PASD1: variants seen among roughly 807,000 people sequenced by gnomAD.
The protein encoded by PASD1 is circadian clock protein PASD1.
Under a neutral mutation model 58.8 loss-of-function variants are expected in PASD1, and 13 were observed. The ratio of observed to expected loss-of-function variants is 0.22; its 90% CI spans 0.14 to 0.35. The LOEUF is 0.35. Among genes scored for constraint, PASD1 ranks in the 10% least tolerant of loss-of-function variants. The pLI is 1.00. For synonymous variants in PASD1, 236 were observed against 216.7 expected (o/e 1.09, Z -0.78); for missense variants, 734 against 568.3 (o/e 1.29, Z -2.96).
intron 1 of PASD1, among the ~76,000 whole-genome samples, chrX:151,593,585 T>TA (rs2013279190): frequency 9.0e-6 from 1 of 111,472 alleles, no homozygotes; most frequent in Non-Finnish European, 1.9e-5. Context: ...CATCCTTTTT[T>TA]ATGGCTGCAT....
At chrX:151,622,615 A>ACACACACACACT (rs1231599924) in intron 6 of PASD1, among the ~76,000 whole-genome samples, 1 of 109,740 alleles carries the variant, frequency 9.1e-6, no homozygotes. Flanking sequence ...ACACACACAC[A>ACACACACACACT]CACTCCCACA....
At chrX:151,584,275 G>T (rs2013137325) in intron 1 of PASD1, among the ~76,000 whole-genome samples, 1 of 111,675 alleles carries the variant, frequency 9.0e-6, no homozygotes, top group African/African-American at 3.3e-5. Context: ...TTCCTATACA[G>T]ATTGATTTCT....
intron 8 of PASD1, among the ~76,000 whole-genome samples, chrX:151,634,502 T>C (rs2013906021): frequency 9.0e-6 from 1 of 111,423 alleles, no homozygotes; most frequent in Admixed American, 9.6e-5. Context: ...AGCTTTTTTT[T>C]TGGTATAGGA....
chrX:151,662,803 A>G (rs1020582768), intron 10 of PASD1, among the ~76,000 whole-genome samples: 2 of 112,331 alleles, frequency 1.8e-5, no homozygotes, highest in Non-Finnish European at 3.8e-5. Context: ...AAACATTCAT[A>G]AAAAGTAGTT....
chrX:151,605,303 T>C (rs772167991), intron 3 of PASD1, among the ~76,000 whole-genome samples: 2 of 111,949 alleles, frequency 1.8e-5, no homozygotes, highest in East Asian at 2.8e-4. Flanking sequence ...GTAAAAATTA[T>C]CTTTATCTCA....
At position 151,563,684 on chromosome X, in the gene PASD1, G is replaced by A. The variant is rs759154106; in HGVS notation, c.-183G>A. 6 of 111,656 alleles carry A rather than the reference G, an allele frequency of 5.4e-5. No individual in the cohort carries two copies. The highest frequency in any genetic ancestry group is 1.1e-4 in the Non-Finnish European group (6 of 53,094). The allele number at this position is 111,656 out of a possible 1,213,427, so 9.2% of individuals were successfully genotyped here. ...CCCCACCACGCGCTTTGCACTCTGGGGCCCACGCACTTCCCTGAAGAGTCT... is the reference window on the plus strand; with the variant it reads ...CCCCACCACGCGCTTTGCACTCTGGAGCCCACGCACTTCCCTGAAGAGTCT... On this transcript the variant is annotated 5_prime_UTR_variant, in exon 1 of 16. Coordinates refer to ENST00000370357, the MANE Select transcript of PASD1 (RefSeq NM_173493.3).
intron 7 of PASD1, among the ~76,000 whole-genome samples, chrX:151,624,256 G>A (rs770775175): frequency 1.1e-3 from 120 of 111,415 alleles, no homozygotes; most frequent in African/African-American, 3.7e-3. Context: ...ATCTCGTGGA[G>A]GATTTTTAGC....
At position 151,676,178 on chromosome X, in the gene PASD1, G is replaced by C; in HGVS notation, c.*35G>C. On this transcript the variant is annotated 3_prime_UTR_variant, in exon 16 of 16. Coordinates refer to ENST00000370357, the MANE Select transcript of PASD1 (RefSeq NM_173493.3). ...CATGACCAGTGATGAGGGGAAATGG[G>C]GGGAGGGGGCAGGCCAATGAGGTCT... is the stretch of plus-strand genomic sequence containing the variant. The C allele has an allele frequency of 4.2e-6, 5 of 1,190,526 alleles. No homozygotes were observed. The highest frequency in any genetic ancestry group is 2.7e-4 in the Middle Eastern group (1 of 3,706).
Position 151,672,250 on chromosome X carries a change from A to C in PASD1, c.1505A>C (p.Gln502Pro). Residue 502 changes from glutamine (Q) to proline (P), a missense_variant, in exon 14 of 16, where the codon CAG becomes CCG. Transcript: ENST00000370357. ...CGGCAGCTGCGGGAGCAGCTGCAACAGCTGAGAGAGCAAAGGAAGGTGCAG... is the reference window on the plus strand; with the variant it reads ...CGGCAGCTGCGGGAGCAGCTGCAACCGCTGAGAGAGCAAAGGAAGGTGCAG... The part of the protein sequence containing the change: ...QQRQLREQLQ[Q>P]LREQRKVQKQ... 8.6e-7 allele frequency: 1 copy of C among 1,166,827 alleles called. No homozygotes were observed. The highest frequency in any genetic ancestry group is 1.1e-6 in the Non-Finnish European group (1 of 872,879).
chrX:151,621,799 T>A (rs1321370023), intron 6 of PASD1, among the ~76,000 whole-genome samples: 1 of 110,311 alleles, frequency 9.1e-6, no homozygotes, highest in African/African-American at 3.3e-5. Flanking sequence ...GGATGGCTCT[T>A]TCTTTTTATA....
In PASD1 at chrX:151,671,483, G is replaced by A. The variant is rs986476253; in HGVS notation, c.1231-90G>A. The A allele has an allele frequency of 8.7e-6, 9 of 1,031,231 alleles. No homozygotes were observed. The Admixed American group carries it at 1.9e-4, about 21-fold the overall frequency. 85.0% of individuals were successfully genotyped at this position (1,031,231 alleles called of 1,213,427 possible). ...CAAGGCTTCCTGTAGGCTTGCCTGT[G>A]GGCAGTCCTGCTCCATGCCCAGCTT... On this transcript the variant is annotated intron_variant, in intron 12 of 15. Transcript: ENST00000370357.
intron 1 of PASD1, among the ~76,000 whole-genome samples, chrX:151,589,692 A>G (rs1265352376): frequency 2.7e-5 from 3 of 112,123 alleles, no homozygotes; most frequent in African/African-American, 6.5e-5. Context: ...CCCAGGTCCA[A>G]TTGATTCCAG....
rs373819491 is a variant in PASD1, at chrX:151,638,374, C to T, written c.630-10241C>T. ...CGAGTTGATGGATGCAGCAAACCAA[C>T]ATGGCACACGTATACATATGTAACA... On this transcript the variant is annotated intron_variant, in intron 8 of 15. Transcript: ENST00000370357. Among the ~76,000 whole-genome samples, 28 of 107,985 alleles carry T rather than the reference C, an allele frequency of 2.6e-4. No individual in the cohort carries two copies. The South Asian group carries it at 0.01, about 40-fold the overall frequency. 93.8% of individuals were successfully genotyped at this position (107,985 alleles called of 115,157 possible).
chrX:151,652,654 G>A (rs2124299208), intron 9 of PASD1, among the ~76,000 whole-genome samples: 1 of 111,707 alleles, frequency 9.0e-6, no homozygotes, highest in Non-Finnish European at 1.9e-5. Flanking sequence ...AATGCAAGAG[G>A]TCGGGGAGTA....
chrX:151,655,315 C>T (rs181273298), intron 9 of PASD1, among the ~76,000 whole-genome samples: 25,631 of 101,044 alleles, frequency 0.25, 3,649 homozygotes, highest in Middle Eastern at 0.43. Context: ...AATAAACATC[C>T]GTGTGCATGT....
chrX:151,635,735 G>A lies in PASD1; in HGVS notation c.629+10205G>A, dbSNP rs185356365. ...ATGTAGTAAAATACACCTATCTTAA[G>A]TCTATCATTCCATGAGCTTTGAATG... is the stretch of plus-strand genomic sequence containing the variant. On this transcript the variant is annotated intron_variant, in intron 8 of 15. Transcript: ENST00000370357. Among the ~76,000 whole-genome samples, 6 of 111,584 alleles carry A rather than the reference G, an allele frequency of 5.4e-5. No homozygotes were observed. The South Asian group carries it at 1.1e-3, about 21-fold the overall frequency.
rs150950167 is a variant in PASD1, at chrX:151,671,122, G to A, written c.1156G>A (p.Glu386Lys). ...GAAGAAGTTGAAGGAGCAGCTAGAA[G>A]AGAGGACTTGGTTGCTGCATGATGC... Reference protein sequence around the residue: ...LMKKLKEQLEERTWLLHDAIQ... With the variant: ...LMKKLKEQLEKRTWLLHDAIQ... The change falls in exon 12 of 16, where the codon GAG (glutamate) becomes AAG (lysine). Residue 386 changes from glutamate (E) to lysine (K), a missense_variant. Glu to Lys is a moderately conservative substitution (Grantham distance 56). Transcript: ENST00000370357. The A allele has an allele frequency of 1.2e-4, 144 of 1,210,482 alleles. No individual in the cohort carries two copies. Among genetic ancestry groups the A allele is most frequent in the Non-Finnish European group, 1.6e-4 (140 of 895,319 alleles).
In PASD1 at chrX:151,674,220, C is replaced by T. The variant is rs192729609; in HGVS notation, c.2175+34C>T. 2,372 of 1,204,831 alleles carry T rather than the reference C, an allele frequency of 2.0e-3. 10 individuals are homozygous for T. Among genetic ancestry groups the T allele is most frequent in the South Asian group, 0.015 (825 of 56,163 alleles). ...CAGCCCCCTCCTTTTCCTTCCAGCG[C>T]AGGTCAAGAGGGATTCTGGGCCCCT... On this transcript the variant is annotated intron_variant, in intron 15 of 15. Coordinates refer to ENST00000370357, the MANE Select transcript of PASD1 (RefSeq NM_173493.3).
chrX:151,580,512 T>C (rs971626948), intron 1 of PASD1, among the ~76,000 whole-genome samples: 4 of 106,777 alleles, frequency 3.7e-5, no homozygotes, highest in East Asian at 2.9e-4. Context: ...TTTTTTCTTT[T>C]TTTTTTTTTT....
Sources: allele counts gnomAD v4.1 joint callset (sites outside exome capture counted in the v4.1 genomes callset), GRCh38; gene constraint gnomAD v4.1.1; transcripts MANE v1.5; gene names NCBI Gene and HGNC (gene_info 2026-07-23, HGNC 2026-07-21).